The following CACNA2D3 variants were observed in gnomAD, a reference collection of about 807,000 sequenced individuals.
CACNA2D3 encodes calcium voltage-gated channel auxiliary subunit alpha2delta 3.
In CACNA2D3, 60 loss-of-function variants were observed where a neutral mutation model predicts 160.6. That is an observed-to-expected ratio of 0.37 (90% CI 0.30 to 0.46). The LOEUF is 0.46. Ranked by LOEUF, CACNA2D3 falls within the 20% of genes least tolerant of loss-of-function variation. The pLI is 1.00. For synonymous variants in CACNA2D3, 558 were observed against 492.9 expected (o/e 1.13, Z -1.75); for missense variants, 1,205 against 1,365.0 (o/e 0.88, Z 1.85).
intron 4 of CACNA2D3, among the ~76,000 whole-genome samples, chr3:54,469,305 A>G (rs958005408): frequency 1.8e-4 from 27 of 152,358 alleles, no homozygotes; most frequent in Admixed American, 1.3e-3. Flanking sequence ...GTGCACCTCC[A>G]GCAAACTCCA....
At chr3:54,608,401 C>A (rs757290111) in intron 9 of CACNA2D3, among the ~76,000 whole-genome samples, 1 of 152,208 alleles carries the variant, frequency 6.6e-6, no homozygotes, top group African/African-American at 2.4e-5. Flanking sequence ...TAGTTTCCAG[C>A]CCTTTGCTCA....
chr3:54,199,467 G>C (rs1401910139), intron 2 of CACNA2D3, among the ~76,000 whole-genome samples: 1 of 152,016 alleles, frequency 6.6e-6, no homozygotes, highest in Non-Finnish European at 1.5e-5. Flanking sequence ...AGGCTCAAGC[G>C]ATCCCCAGCC....
At chr3:55,037,650 T>C (rs748538207) in intron 35 of CACNA2D3, among the ~76,000 whole-genome samples, 3 of 152,198 alleles carry the variant, frequency 2.0e-5, no homozygotes, top group Non-Finnish European at 4.4e-5. Context: ...TTTTAAAGAA[T>C]GGGACAAATT....
rs116180761 is a variant in CACNA2D3 at position 54,929,434 on chromosome 3, T to C, written c.2449+29566T>C. ...TGGAACCTGGCCCTTCGTGCCACTC[T>C]GCAGGTACAAAGGGAAGAGGCCCTT... On this transcript the variant is annotated intron_variant, in intron 27 of 37. Coordinates refer to ENST00000474759, the MANE Select transcript of CACNA2D3 (RefSeq NM_018398.3). 8.9e-3 allele frequency among the ~76,000 whole-genome samples: 1,360 copies of C among 152,328 alleles called. 13 individuals carry two copies. The highest frequency in any genetic ancestry group is 0.015 in the Non-Finnish European group (998 of 68,022).
intron 13 of CACNA2D3, among the ~76,000 whole-genome samples, chr3:54,774,909 C>G (rs183083356): frequency 6.6e-6 from 1 of 152,218 alleles, no homozygotes; most frequent in East Asian, 1.9e-4. Context: ...GCTGGGATTA[C>G]AGATGTGAGC....
At chr3:54,654,922 T>A (rs1699848787) in intron 11 of CACNA2D3, among the ~76,000 whole-genome samples, 1 of 152,058 alleles carries the variant, frequency 6.6e-6, no homozygotes, top group Admixed American at 6.5e-5. Context: ...GGATGCAACA[T>A]CCTCCTATTG....
At chr3:54,984,498 A>G in intron 29 of CACNA2D3, 110 bp from the exon 30 acceptor site, 2 of 704,772 alleles carry the variant, frequency 2.8e-6, no homozygotes, top group Non-Finnish European at 4.8e-6. Context: ...ATTGCTTTCC[A>G]AAAAAATAAG....
chr3:54,352,558 G>A (rs1166435050), intron 3 of CACNA2D3, among the ~76,000 whole-genome samples: 1 of 152,224 alleles, frequency 6.6e-6, no homozygotes, highest in Non-Finnish European at 1.5e-5. Flanking sequence ...AACAGCAGCA[G>A]CTCCTGAGGT....
chr3:54,836,248 G>GTTTTT, intron 14 of CACNA2D3, among the ~76,000 whole-genome samples: 1 of 83,212 alleles, frequency 1.2e-5, no homozygotes, highest in Non-Finnish European at 2.5e-5. Flanking sequence ...TTTTGTTTTT[G>GTTTTT]TTTTGGGAGA....
chr3:54,143,855 G>A (rs1699978899), intron 2 of CACNA2D3, among the ~76,000 whole-genome samples: 2 of 152,076 alleles, frequency 1.3e-5, no homozygotes, highest in Admixed American at 1.3e-4. Flanking sequence ...TTACATGTAT[G>A]TATATTTGTG....
At chr3:54,296,190 G>A (rs908375173) in intron 2 of CACNA2D3, among the ~76,000 whole-genome samples, 1 of 152,226 alleles carries the variant, frequency 6.6e-6, no homozygotes, top group East Asian at 1.9e-4. Context: ...AGAGATGGAT[G>A]TGAATTGAAC....
At chr3:54,383,729 T>A (rs1699143571) in intron 3 of CACNA2D3, among the ~76,000 whole-genome samples, 1 of 152,148 alleles carries the variant, frequency 6.6e-6, no homozygotes, top group African/African-American at 2.4e-5. Flanking sequence ...CAAATTTAAC[T>A]TGAACGTGAA....
At chr3:54,652,800 T>TTTTTTA (rs1699799349) in intron 11 of CACNA2D3, among the ~76,000 whole-genome samples, 1 of 149,796 alleles carries the variant, frequency 6.7e-6, no homozygotes, top group Non-Finnish European at 1.5e-5. Context: ...TTTTTTTTTT[T>TTTTTTA]GAGACCGAGT....
chr3:54,501,959 T>A (rs1267153737), intron 4 of CACNA2D3, among the ~76,000 whole-genome samples: 1 of 152,238 alleles, frequency 6.6e-6, no homozygotes, highest in African/African-American at 2.4e-5. Flanking sequence ...CTCCATTCTC[T>A]TCTTGCCTGG....
chr3:54,867,049 T>C (rs966683319), intron 17 of CACNA2D3, among the ~76,000 whole-genome samples: 2 of 152,230 alleles, frequency 1.3e-5, no homozygotes, highest in African/African-American at 4.8e-5. Context: ...TGGAAACCGT[T>C]TGCAATTAGT....
chr3:54,318,901 A>C (rs1279680287), intron 2 of CACNA2D3, among the ~76,000 whole-genome samples: 2 of 152,052 alleles, frequency 1.3e-5, no homozygotes, highest in African/African-American at 4.8e-5. Flanking sequence ...ACTGGGTCTC[A>C]CTATGTTGCT....
chr3:54,951,274 C>T (rs2107016070), intron 27 of CACNA2D3, among the ~76,000 whole-genome samples: 1 of 152,294 alleles, frequency 6.6e-6, no homozygotes, highest in South Asian at 2.1e-4. Flanking sequence ...ACCCACAAAT[C>T]CTGCCAGATA....
intron 8 of CACNA2D3, among the ~76,000 whole-genome samples, chr3:54,580,411 C>CCCAAAGTGA (rs1702654445): frequency 6.6e-6 from 1 of 152,052 alleles, no homozygotes; most frequent in African/African-American, 2.4e-5. Context: ...TTCCCAAACT[C>CCCAAAGTGA]GTATCTTTAT....
At chr3:54,610,779 G>A (rs1575380337) in intron 9 of CACNA2D3, among the ~76,000 whole-genome samples, 1 of 151,988 alleles carries the variant, frequency 6.6e-6, no homozygotes, top group Admixed American at 6.6e-5. Context: ...ACAGACATCC[G>A]CCACCATGCC....
Sources: gnomAD v4.1 joint callset for allele counts (sites outside exome capture counted in the v4.1 genomes callset) on GRCh38, gnomAD v4.1.1 for gene constraint, MANE v1.5 for transcripts, NCBI Gene and HGNC (gene_info 2026-07-23, HGNC 2026-07-21) for gene names.